Variants in POU6F2 observed in about 807,000 individuals in gnomAD.
The protein encoded by POU6F2 is POU domain, class 6, transcription factor 2.
Under a neutral mutation model 71.3 loss-of-function variants are expected in POU6F2, and 31 were observed. The ratio of observed to expected loss-of-function variants is 0.43; its 90% CI spans 0.33 to 0.59. The LOEUF (loss-of-function observed/expected upper bound fraction) is 0.59, where lower values mean the gene tolerates loss of function less well. Ranked by LOEUF, POU6F2 falls within the 20% of genes least tolerant of loss-of-function variation. The pLI, the probability that POU6F2 is intolerant of heterozygous loss-of-function variation, is 0.04. For synonymous variants in POU6F2, 347 were observed against 355.7 expected, an observed-to-expected ratio of 0.98 and a Z score of 0.27; for missense variants, 783 against 856.8, an observed-to-expected ratio of 0.91 and a Z score of 1.07.
chr7:39,239,723 T>C (rs6956858), intron 4 of POU6F2, among the ~76,000 whole-genome samples: 36,930 of 151,954 alleles, frequency 0.24, 5,466 homozygotes, highest in African/African-American at 0.42. Flanking sequence ...ACTAATATTA[T>C]TAATTGTGAT....
intron 4 of POU6F2, among the ~76,000 whole-genome samples, chr7:39,249,726 A>G (rs953659405): frequency 6.6e-6 from 1 of 152,234 alleles, no homozygotes; most frequent in Non-Finnish European, 1.5e-5. Flanking sequence ...AAAGGCTAAT[A>G]TAAGGTGAGC....
At chr7:38,982,704 C>T (rs1321060306) in intron 1 of POU6F2, among the ~76,000 whole-genome samples, 1 of 152,030 alleles carries the variant, frequency 6.6e-6, no homozygotes. Flanking sequence ...GAACTTGGGT[C>T]TTGAAACTAA....
intron 2 of POU6F2, among the ~76,000 whole-genome samples, chr7:39,148,196 G>A (rs1792661090): frequency 6.6e-6 from 1 of 152,174 alleles, no homozygotes; most frequent in Non-Finnish European, 1.5e-5. Flanking sequence ...TTGCCAGTGG[G>A]CACTTTTCTG....
chr7:39,137,814 A>G (rs1162874322), intron 2 of POU6F2, among the ~76,000 whole-genome samples: 1 of 152,138 alleles, frequency 6.6e-6, no homozygotes, highest in African/African-American at 2.4e-5. Flanking sequence ...CAACCTGTGC[A>G]TATTGATCTT....
At chr7:39,444,461 G>A (rs1157048712) in intron 7 of POU6F2, among the ~76,000 whole-genome samples, 1 of 152,230 alleles carries the variant, frequency 6.6e-6, no homozygotes, top group Non-Finnish European at 1.5e-5. Context: ...GTGCATGCCT[G>A]TAGTCCCAGC....
At chr7:39,335,199 T>C (rs1785743352) in intron 4 of POU6F2, among the ~76,000 whole-genome samples, 1 of 152,164 alleles carries the variant, frequency 6.6e-6, no homozygotes, top group Non-Finnish European at 1.5e-5. Flanking sequence ...ACCTCTCACC[T>C]CCCTTCCTGC....
intron 4 of POU6F2, among the ~76,000 whole-genome samples, chr7:39,242,433 A>G (rs1206805751): frequency 6.8e-6 from 1 of 146,906 alleles, no homozygotes; most frequent in African/African-American, 2.5e-5. Flanking sequence ...CTAAGCATCT[A>G]TTGGCTTTAA....
intron 4 of POU6F2, among the ~76,000 whole-genome samples, chr7:39,319,981 C>G (rs910156051): frequency 8.5e-5 from 13 of 152,228 alleles, no homozygotes; most frequent in African/African-American, 2.9e-4. Context: ...AGTGTCTGAT[C>G]TGAAGGCCCA....
chr7:39,105,258 C>T (rs1346234591), intron 2 of POU6F2, among the ~76,000 whole-genome samples: 2 of 152,110 alleles, frequency 1.3e-5, no homozygotes, highest in South Asian at 2.1e-4. Context: ...CCATTTCCAA[C>T]TCTTTATGTC....
At chr7:39,079,854 T>C (rs886949156) in intron 1 of POU6F2, among the ~76,000 whole-genome samples, 19 of 152,166 alleles carry the variant, frequency 1.2e-4, no homozygotes, top group Non-Finnish European at 2.5e-4. Context: ...TGTATACGCT[T>C]TATAGTGAAG....
intron 6 of POU6F2, among the ~76,000 whole-genome samples, chr7:39,431,302 G>A (rs1171463714): frequency 6.6e-6 from 1 of 152,210 alleles, no homozygotes; most frequent in Non-Finnish European, 1.5e-5. Flanking sequence ...GGCTTTTGTG[G>A]TGGAAGCAAT....
At chr7:39,432,188 C>T (rs1788117705) in intron 6 of POU6F2, among the ~76,000 whole-genome samples, 1 of 152,094 alleles carries the variant, frequency 6.6e-6, no homozygotes, top group African/African-American at 2.4e-5. Flanking sequence ...TTGGATCTGG[C>T]CAGGCCCCTC....
intron 1 of POU6F2, among the ~76,000 whole-genome samples, chr7:39,015,388 T>G (rs527462632): frequency 1.9e-3 from 249 of 129,426 alleles, no homozygotes; most frequent in Admixed American, 5.8e-3. Flanking sequence ...TAATATATAA[T>G]AGATATATAT....
rs138694445 is a variant in POU6F2 at position 39,342,633 on chromosome 7, T to A, written c.972+2618T>A. Among the ~76,000 whole-genome samples, 728 of 152,318 alleles carry A rather than the reference T, an allele frequency of 4.8e-3. 5 individuals are homozygous for A. Among genetic ancestry groups the A allele is most frequent in the African/African-American group, 0.016 (670 of 41,574 alleles). Reference sequence around the variant, plus strand: ...AAACAAAACTTTGGAGGACAACAATTATTTCTAAAACTGTGCAGATGCTCC... The same window carrying A: ...AAACAAAACTTTGGAGGACAACAATAATTTCTAAAACTGTGCAGATGCTCC... On this transcript the variant is annotated intron_variant, in intron 5 of 9. Coordinates refer to ENST00000518318, the MANE Select transcript of POU6F2 (RefSeq NM_001370959.1).
intron 5 of POU6F2, among the ~76,000 whole-genome samples, chr7:39,347,387 G>A (rs1470652603): frequency 6.6e-6 from 1 of 152,156 alleles, no homozygotes; most frequent in Non-Finnish European, 1.5e-5. Flanking sequence ...TTGCATGTCA[G>A]TTTCGTAGCG....
intron 5 of POU6F2, among the ~76,000 whole-genome samples, chr7:39,357,949 A>T (rs761224275): frequency 2.0e-5 from 3 of 152,078 alleles, no homozygotes; most frequent in Non-Finnish European, 2.9e-5. Flanking sequence ...ACCTGCAGAG[A>T]TTTCTTCTCA....
At chr7:39,059,940 G>A (rs928603229) in intron 1 of POU6F2, among the ~76,000 whole-genome samples, 3 of 152,212 alleles carry the variant, frequency 2.0e-5, no homozygotes, top group Non-Finnish European at 2.9e-5. Flanking sequence ...GCCAGGTGCG[G>A]TGGCTCAGAC....
chr7:39,060,793 G>A (rs1039795910), intron 1 of POU6F2, among the ~76,000 whole-genome samples: 2 of 152,114 alleles, frequency 1.3e-5, no homozygotes, highest in African/African-American at 4.8e-5. Flanking sequence ...ATTGAAGACT[G>A]TTGGGTATGG....
intron 1 of POU6F2, among the ~76,000 whole-genome samples, chr7:39,064,942 C>T (rs1241037545): frequency 6.6e-6 from 1 of 151,768 alleles, no homozygotes; most frequent in Non-Finnish European, 1.5e-5. Context: ...CTTAGAAAGT[C>T]AATGCGAAGT....
Sources: gnomAD v4.1 joint callset for allele counts (sites outside exome capture counted in the v4.1 genomes callset) on GRCh38, gnomAD v4.1.1 for gene constraint, MANE v1.5 for transcripts, NCBI Gene and HGNC (gene_info 2026-07-23, HGNC 2026-07-21) for gene names.